MAN2A1: variants seen among roughly 807,000 people sequenced by gnomAD.
MAN2A1 encodes the protein mannosidase alpha class 2A member 1.
Under a neutral mutation model 142.6 loss-of-function variants are expected in MAN2A1, and 76 were observed. The observed-to-expected ratio is 0.53, with a 90% CI of 0.44 to 0.65. MAN2A1 has a LOEUF of 0.65. Among genes scored for constraint, MAN2A1 ranks in the 30% least tolerant of loss-of-function variants. MAN2A1 has a pLI of 0.00. For missense variants in MAN2A1, 1,311 were observed against 1,365.1 expected (o/e 0.96, Z 0.62); for synonymous variants, 559 against 473.2 (o/e 1.18, Z -2.35).
intron 9 of MAN2A1, among the ~76,000 whole-genome samples, chr5:109,782,551 A>C (rs1753489090): frequency 6.6e-6 from 1 of 152,146 alleles, no homozygotes; most frequent in Non-Finnish European, 1.5e-5. Context: ...TTCATGATGA[A>C]TCTTGATGTT....
intron 12 of MAN2A1, among the ~76,000 whole-genome samples, chr5:109,814,179 C>G (rs1015558651): frequency 6.6e-6 from 1 of 152,086 alleles, no homozygotes; most frequent in Non-Finnish European, 1.5e-5. Context: ...ATTAACCCTC[C>G]CCATTCTGAA....
intron 1 of MAN2A1, among the ~76,000 whole-genome samples, chr5:109,713,204 C>T (rs1004138794): frequency 1.3e-5 from 2 of 152,098 alleles, no homozygotes; most frequent in Admixed American, 1.3e-4. Context: ...ACAGTGATTC[C>T]AGGGACCCAA....
At chr5:109,833,699 G>A (rs1345891823) in intron 16 of MAN2A1, among the ~76,000 whole-genome samples, 3 of 148,590 alleles carry the variant, frequency 2.0e-5, no homozygotes, top group Non-Finnish European at 3.0e-5. Context: ...TGGGGAGGGG[G>A]AGGGGGAGGG....
chr5:109,708,381 A>C (rs953618649), intron 1 of MAN2A1, among the ~76,000 whole-genome samples: 14 of 152,126 alleles, frequency 9.2e-5, no homozygotes, highest in African/African-American at 3.4e-4. Context: ...GGGAGTTTGT[A>C]AGGAAGGGGG....
At chr5:109,786,820 G>A (rs1411993950) in intron 10 of MAN2A1, among the ~76,000 whole-genome samples, 2 of 151,970 alleles carry the variant, frequency 1.3e-5, no homozygotes, top group Admixed American at 6.6e-5. Flanking sequence ...ATTTGGCTGC[G>A]AGTAATAGCA....
At chr5:109,789,365 G>C in intron 11 of MAN2A1, 95 bp from the exon 12 acceptor site, 2 of 728,552 alleles carry the variant, frequency 2.7e-6, no homozygotes, top group South Asian at 4.3e-5. Flanking sequence ...TCCTTAATCT[G>C]TTCCTCCTAA....
At chr5:109,813,815 C>A (rs552759842) in intron 12 of MAN2A1, among the ~76,000 whole-genome samples, 92 of 152,332 alleles carry the variant, frequency 6.0e-4, no homozygotes, top group African/African-American at 2.0e-3. Flanking sequence ...TCTTCAAGGA[C>A]AGCCACGTTT....
chr5:109,751,637 A>G (rs532221643), intron 4 of MAN2A1, among the ~76,000 whole-genome samples: 97 of 151,992 alleles, frequency 6.4e-4, no homozygotes, highest in Non-Finnish European at 1.2e-3. Flanking sequence ...CTATTTTTCA[A>G]CTTCCTATTC....
At position 109,691,316 on chromosome 5, in the gene MAN2A1, C is replaced by T. The variant is rs1015188676; in HGVS notation, c.135+764C>T. 2.6e-5 allele frequency among the ~76,000 whole-genome samples: 4 copies of T among 152,172 alleles called. No homozygotes were observed. The East Asian group carries it at 7.7e-4, about 29-fold the overall frequency. On this transcript the variant is annotated intron_variant, in intron 1 of 21. Coordinates refer to ENST00000261483, the MANE Select transcript of MAN2A1 (RefSeq NM_002372.4). Reference sequence around the variant, plus strand: ...AAGCAAAGCGGACACAGTCTGTTCCCTTTGGAAGGGTATCCACCGCGCGGC... The same window carrying T: ...AAGCAAAGCGGACACAGTCTGTTCCTTTTGGAAGGGTATCCACCGCGCGGC...
chr5:109,700,086 A>G (rs1024021237), intron 1 of MAN2A1, among the ~76,000 whole-genome samples: 1 of 152,116 alleles, frequency 6.6e-6, no homozygotes, highest in Non-Finnish European at 1.5e-5. Context: ...CTGGACCATG[A>G]CTTCCTGATA....
chr5:109,842,278 G>T (rs559195114), intron 16 of MAN2A1, 50 bp from the exon 17 acceptor site: 4 of 1,258,154 alleles, frequency 3.2e-6, no homozygotes, highest in Middle Eastern at 2.5e-4. Context: ...TCAAAAAGGT[G>T]AGGCAAGTAA....
At chr5:109,851,849 A>T (rs1269428834) in intron 19 of MAN2A1, among the ~76,000 whole-genome samples, 6 of 151,952 alleles carry the variant, frequency 3.9e-5, no homozygotes, top group Non-Finnish European at 7.4e-5. Context: ...AAATTGGGAG[A>T]GATCAGATTA....
intron 20 of MAN2A1, among the ~76,000 whole-genome samples, chr5:109,858,041 C>T (rs1233461049): frequency 1.3e-5 from 2 of 152,248 alleles, no homozygotes; most frequent in African/African-American, 4.8e-5. Context: ...ATGACACTTA[C>T]TCCAACTTGG....
intron 1 of MAN2A1, among the ~76,000 whole-genome samples, chr5:109,701,289 T>G (rs966333211): frequency 6.6e-6 from 1 of 152,170 alleles, no homozygotes. Context: ...GACGATACTT[T>G]GAAGGGAGAA....
At chr5:109,853,209 C>G (rs1375442361) in intron 19 of MAN2A1, among the ~76,000 whole-genome samples, 2 of 152,062 alleles carry the variant, frequency 1.3e-5, no homozygotes, top group Non-Finnish European at 2.9e-5. Context: ...GCTCTGTTTT[C>G]TCTATAAGAT....
intron 12 of MAN2A1, among the ~76,000 whole-genome samples, chr5:109,805,217 G>GT (rs1198284475): frequency 3.9e-5 from 6 of 152,044 alleles, no homozygotes; most frequent in African/African-American, 1.4e-4. Context: ...TACAATTTGT[G>GT]TTTGTTTTTG....
chr5:109,769,893 C>CT lies in MAN2A1; in HGVS notation c.1010-460dup, dbSNP rs200483992. On this transcript the variant is annotated intron_variant, in intron 6 of 21. Coordinates refer to ENST00000261483, the MANE Select transcript of MAN2A1 (RefSeq NM_002372.4). The stretch of plus-strand genomic sequence containing the variant: ...TGTTTTTATAAGTCTATGCTCCACA[C>CT]TTCCTTTGTTCTTCCATCCCTTTTT... 2.0e-5 allele frequency among the ~76,000 whole-genome samples: 3 copies of CT among 152,284 alleles called. No homozygotes were observed. The East Asian group carries it at 5.8e-4, about 29-fold the overall frequency.
chr5:109,694,455 C>T (rs558002702), intron 1 of MAN2A1, among the ~76,000 whole-genome samples: 1 of 152,204 alleles, frequency 6.6e-6, no homozygotes, highest in Admixed American at 6.5e-5. Flanking sequence ...GCCATTCTCC[C>T]ACCTCAGCCT....
In MAN2A1 at chr5:109,788,945, C is replaced by A; in HGVS notation, c.1772C>A (p.Ser591Ter). 6.5e-7 allele frequency: 1 copy of A among 1,543,904 alleles called. No homozygotes were observed. Among genetic ancestry groups the A allele is most frequent in the South Asian group, 1.1e-5 (1 of 87,060 alleles). ...TTTTTGATTTACAGACTTTTTCATTCGTTAATGGTTTTGGAGAAGATAATT... is the reference window on the plus strand; with the variant it reads ...TTTTTGATTTACAGACTTTTTCATTAGTTAATGGTTTTGGAGAAGATAATT... ...VVDYGTRLFH[S>*]LMVLEKIIGN... Residue 591 changes from serine (S) to a stop codon, truncating the protein, a stop_gained, in exon 11 of 22, where the codon TCG (serine) becomes TAG (stop). Transcript: ENST00000261483. LOFTEE classifies it high-confidence loss of function.
Sources: allele counts gnomAD v4.1 joint callset (sites outside exome capture counted in the v4.1 genomes callset), GRCh38; gene constraint gnomAD v4.1.1; transcripts MANE v1.5; gene names NCBI Gene and HGNC (gene_info 2026-07-23, HGNC 2026-07-21).